The following GNAQ variants were observed in gnomAD, a reference collection of about 807,000 sequenced individuals.
GNAQ encodes the protein guanine nucleotide-binding protein G(q) subunit alpha.
GNAQ carries 8 observed loss-of-function variants against 43.9 expected under a neutral mutation model. The observed-to-expected ratio is 0.18, with a 90% confidence interval of 0.11 to 0.33. GNAQ has a LOEUF of 0.33. Among genes scored for constraint, GNAQ ranks in the 10% least tolerant of loss-of-function variants. The pLI, the probability that GNAQ is intolerant of heterozygous loss-of-function variation, is 1.00. For missense variants in GNAQ, 158 were observed against 450.8 expected, an observed-to-expected ratio of 0.35 and a Z score of 5.88; for synonymous variants, 155 against 170.7, an observed-to-expected ratio of 0.91 and a Z score of 0.71.
rs12684732 is a variant in GNAQ, at chr9:77,963,805, G to T, written c.137-41460C>A. On this transcript the variant is annotated intron_variant, in intron 1 of 6. Coordinates refer to ENST00000286548, the MANE Select transcript of GNAQ (RefSeq NM_002072.5). ...ACTCGTTCCCTCTCATCAAAAAAAGGACAATTCTGTGAGAATTTTTACAGA... is the reference window on the plus strand; with the variant it reads ...ACTCGTTCCCTCTCATCAAAAAAAGTACAATTCTGTGAGAATTTTTACAGA... Among the ~76,000 whole-genome samples the T allele has an allele frequency of 2.6e-4, 40 of 152,206 alleles. 1 individual carries two copies. The East Asian group carries it at 5.8e-3, about 22-fold the overall frequency.
rs530337473 is a variant in GNAQ, at chr9:77,900,376, C to G, written c.321+21785G>C. On this transcript the variant is annotated intron_variant, in intron 2 of 6. Transcript: ENST00000286548. ...TGCTAAAATGAGATTTAGAGCTCAT[C>G]TGGAGATTTTAATTATTCATGTTAT... 1.2e-4 allele frequency among the ~76,000 whole-genome samples: 19 copies of G among 152,298 alleles called. No homozygotes were observed. In the East Asian group the frequency reaches 3.7e-3, roughly 29 times the overall value.
chr9:78,020,775 T>A (rs1823899317), intron 1 of GNAQ, among the ~76,000 whole-genome samples: 1 of 152,136 alleles, frequency 6.6e-6, no homozygotes, highest in Non-Finnish European at 1.5e-5. Context: ...TCCCTATTAC[T>A]CTACTTTACC....
At chr9:77,731,220 T>C (rs4745666) in intron 5 of GNAQ, among the ~76,000 whole-genome samples, 91,109 of 151,998 alleles carry the variant, frequency 0.6, 29,189 homozygotes, top group Non-Finnish European at 0.72. Context: ...GACTAGACTA[T>C]GCGCAGAGAC....
At chr9:77,771,657 A>G (rs1037969390) in intron 5 of GNAQ, among the ~76,000 whole-genome samples, 2 of 152,140 alleles carry the variant, frequency 1.3e-5, no homozygotes, top group African/African-American at 4.8e-5. Flanking sequence ...GTGCAAAATA[A>G]AAATGTGGGG....
At chr9:77,869,632 C>T (rs1308824119) in intron 2 of GNAQ, among the ~76,000 whole-genome samples, 2 of 152,178 alleles carry the variant, frequency 1.3e-5, no homozygotes, top group African/African-American at 4.8e-5. Flanking sequence ...GTCTCAAATG[C>T]TTCTAGGATA....
rs1175275493 is a variant in GNAQ, at chr9:77,717,984, T to C, written c.*3339A>G. 2 of 232,792 alleles carry C rather than the reference T, an allele frequency of 8.6e-6. No homozygotes were observed. The highest frequency in any genetic ancestry group is 6.1e-5 in the East Asian group (1 of 16,526). The allele number at this position is 232,792 out of a possible 1,614,324, so 14.4% of individuals were successfully genotyped here. A position where few individuals can be genotyped will look rare whatever the true frequency, so the allele number is the denominator to read the frequency against. ...TGAATTTAAGCTCTGTAAGGCATAGTAGAAACTTCCAATTTACAAATAAGG... is the reference window on the plus strand; with the variant it reads ...TGAATTTAAGCTCTGTAAGGCATAGCAGAAACTTCCAATTTACAAATAAGG... On this transcript the variant is annotated 3_prime_UTR_variant, in exon 7 of 7. Coordinates refer to ENST00000286548, the MANE Select transcript of GNAQ (RefSeq NM_002072.5).
chr9:77,758,938 CT>C (rs1825946544), intron 5 of GNAQ, among the ~76,000 whole-genome samples: 1 of 151,996 alleles, frequency 6.6e-6, no homozygotes, highest in Non-Finnish European at 1.5e-5. Flanking sequence ...CAAGAGTCTG[CT>C]GTATGTTTAA....
chr9:78,030,188 G>C (rs1824032350), intron 1 of GNAQ, among the ~76,000 whole-genome samples: 1 of 152,118 alleles, frequency 6.6e-6, no homozygotes, highest in South Asian at 2.1e-4. Context: ...GTTGCCAAGA[G>C]AGTAACTGAG....
At chr9:77,868,879 T>TG (rs1827991467) in intron 2 of GNAQ, among the ~76,000 whole-genome samples, 1 of 151,956 alleles carries the variant, frequency 6.6e-6, no homozygotes, top group Non-Finnish European at 1.5e-5. Flanking sequence ...CCCAGCTACT[T>TG]GGGAGGCTGA....
At chr9:77,731,619 C>T (rs139770828) in intron 5 of GNAQ, among the ~76,000 whole-genome samples, 1 of 152,310 alleles carries the variant, frequency 6.6e-6, no homozygotes, top group Non-Finnish European at 1.5e-5. Context: ...CTTACAAGCC[C>T]TCCAGGTGAT....
chr9:77,949,564 C>A (rs1373834423), intron 1 of GNAQ, among the ~76,000 whole-genome samples: 1 of 152,114 alleles, frequency 6.6e-6, no homozygotes, highest in Non-Finnish European at 1.5e-5. Flanking sequence ...AATGAGGGAA[C>A]AGCAGCAGCT....
chr9:78,015,035 T>G (rs1361730640), intron 1 of GNAQ, among the ~76,000 whole-genome samples: 1 of 152,184 alleles, frequency 6.6e-6, no homozygotes, highest in Non-Finnish European at 1.5e-5. Context: ...TCCTAGACCC[T>G]CACATTCACT....
intron 2 of GNAQ, among the ~76,000 whole-genome samples, chr9:77,870,611 C>A (rs1480375624): frequency 2.0e-5 from 3 of 151,840 alleles, no homozygotes; most frequent in African/African-American, 7.3e-5. Flanking sequence ...AGGCTTGAGC[C>A]ACCGCGCCCC....
At chr9:77,728,424 T>C (rs1825433439) in intron 6 of GNAQ, 90 bp downstream of exon 6, 4 of 856,778 alleles carry the variant, frequency 4.7e-6, no homozygotes, top group East Asian at 2.4e-5. Flanking sequence ...AGGGCAGCAA[T>C]GGTGCACTGT....
At chr9:77,737,217 G>A (rs1459855902) in intron 5 of GNAQ, among the ~76,000 whole-genome samples, 1 of 152,200 alleles carries the variant, frequency 6.6e-6, no homozygotes, top group African/African-American at 2.4e-5. Context: ...CAGCTCAAGA[G>A]AGATCACCTT....
At chr9:77,760,345 T>G (rs1044871279) in intron 5 of GNAQ, among the ~76,000 whole-genome samples, 8 of 152,030 alleles carry the variant, frequency 5.3e-5, no homozygotes, top group Non-Finnish European at 1.0e-4. Flanking sequence ...TGCCTGCGAG[T>G]GCAGGCGCGC....
chr9:77,916,710 T>C (rs1218817278), intron 2 of GNAQ, among the ~76,000 whole-genome samples: 1 of 151,834 alleles, frequency 6.6e-6, no homozygotes, highest in Non-Finnish European at 1.5e-5. Flanking sequence ...GCCAAGGTGC[T>C]AAATAAGCCC....
chr9:77,997,501 A>T (rs1158498908), intron 1 of GNAQ, among the ~76,000 whole-genome samples: 1 of 152,178 alleles, frequency 6.6e-6, no homozygotes, highest in African/African-American at 2.4e-5. Context: ...AGGGCTTGGC[A>T]TCCACACCTT....
intron 2 of GNAQ, among the ~76,000 whole-genome samples, chr9:77,821,146 CTCAT>C (rs1827107036): frequency 6.6e-6 from 1 of 152,158 alleles, no homozygotes; most frequent in Admixed American, 6.5e-5. Flanking sequence ...GATTTATTAA[CTCAT>C]TATTAAGTTT....
Sources: gnomAD v4.1 joint callset for allele counts (sites outside exome capture counted in the v4.1 genomes callset) on GRCh38, gnomAD v4.1.1 for gene constraint, MANE v1.5 for transcripts, NCBI Gene and HGNC (gene_info 2026-07-23, HGNC 2026-07-21) for gene names.